CDH4: variants seen among roughly 807,000 people sequenced by gnomAD.
CDH4 encodes cadherin-4.
A neutral mutation model predicts 86.0 loss-of-function variants in CDH4; 33 were observed. The observed-to-expected ratio is 0.38, with a 90% CI of 0.29 to 0.51. CDH4 has a LOEUF of 0.51. CDH4 is among the 20% of genes least tolerant of loss of function. CDH4 has a pLI of 0.86. For synonymous variants in CDH4, 555 were observed against 549.4 expected, an observed-to-expected ratio of 1.01 and a Z score of -0.14; for missense variants, 1,114 against 1,307.4, an observed-to-expected ratio of 0.85 and a Z score of 2.28.
chr20:61,541,637 G>A lies in CDH4; in HGVS notation c.170-201926G>A, dbSNP rs368576264. On this transcript the variant is annotated intron_variant, in intron 2 of 15. Coordinates refer to ENST00000614565, the MANE Select transcript of CDH4 (RefSeq NM_001794.5). ...CTCCTGCCTTCTCCAGAAGCATCCC[G>A]GTGGAAGGCAGCATCTCTTCGCCAT... is the stretch of plus-strand genomic sequence containing the variant. Among the ~76,000 whole-genome samples, 5 of 152,192 alleles carry A rather than the reference G, an allele frequency of 3.3e-5. No homozygotes were observed. In the East Asian group the frequency reaches 5.8e-4, roughly 18 times the overall value.
chr20:61,927,094 A>G (rs1454218525), intron 11 of CDH4, among the ~76,000 whole-genome samples: 1 of 152,220 alleles, frequency 6.6e-6, no homozygotes, highest in Non-Finnish European at 1.5e-5. Flanking sequence ...GTCACCTTAA[A>G]TGTGTTTTGA....
At chr20:61,562,809 T>C (rs2086230731) in intron 2 of CDH4, among the ~76,000 whole-genome samples, 1 of 152,262 alleles carries the variant, frequency 6.6e-6, no homozygotes, top group Non-Finnish European at 1.5e-5. Context: ...AAATCGTGGT[T>C]CAGTGAGTTA....
chr20:61,635,420 G>A (rs1048668107), intron 2 of CDH4, among the ~76,000 whole-genome samples: 1 of 152,204 alleles, frequency 6.6e-6, no homozygotes, highest in Non-Finnish European at 1.5e-5. Context: ...GCTGCTGCGG[G>A]TGATGTGCCC....
At chr20:61,655,431 C>T (rs1245513855) in intron 2 of CDH4, among the ~76,000 whole-genome samples, 1 of 152,184 alleles carries the variant, frequency 6.6e-6, no homozygotes, top group Non-Finnish European at 1.5e-5. Flanking sequence ...CGGAGAGTGA[C>T]AAGGCAAGTA....
chr20:61,450,888 C>G (rs2085375496), intron 2 of CDH4, among the ~76,000 whole-genome samples: 1 of 151,544 alleles, frequency 6.6e-6, no homozygotes, highest in Non-Finnish European at 1.5e-5. Flanking sequence ...CAGTGGCCAC[C>G]CAGCAGTTTG....
intron 2 of CDH4, among the ~76,000 whole-genome samples, chr20:61,522,801 C>G (rs1051855146): frequency 1.3e-5 from 2 of 152,226 alleles, no homozygotes; most frequent in Admixed American, 1.3e-4. Context: ...ATTATCTGCT[C>G]CTCTCTCCCT....
intron 2 of CDH4, among the ~76,000 whole-genome samples, chr20:61,728,234 G>A (rs759380249): frequency 6.6e-5 from 10 of 152,292 alleles, no homozygotes; most frequent in Admixed American, 1.3e-4. Flanking sequence ...TAACATCTAA[G>A]CATAACCACC....
rs559166369 is a variant in CDH4, at chr20:61,795,409, G to A, written c.576+22227G>A. 5.9e-5 allele frequency among the ~76,000 whole-genome samples: 9 copies of A among 152,162 alleles called. No individual in the cohort carries two copies. The South Asian group carries it at 8.3e-4, about 14-fold the overall frequency. Reference sequence around the variant, plus strand: ...TTACTGTGAATGAGATGCAGCCTCTGCCTTTAAGGAGCCCCCAGGAAGGTG... The same window carrying A: ...TTACTGTGAATGAGATGCAGCCTCTACCTTTAAGGAGCCCCCAGGAAGGTG... On this transcript the variant is annotated intron_variant, in intron 4 of 15. Coordinates refer to ENST00000614565, the MANE Select transcript of CDH4 (RefSeq NM_001794.5).
intron 2 of CDH4, among the ~76,000 whole-genome samples, chr20:61,469,512 T>C (rs371309376): frequency 5.9e-5 from 9 of 152,206 alleles, no homozygotes; most frequent in African/African-American, 2.2e-4. Flanking sequence ...CTGTGGGTTG[T>C]CTGTTCACTT....
intron 2 of CDH4, among the ~76,000 whole-genome samples, chr20:61,451,616 T>C (rs2085381027): frequency 6.6e-6 from 1 of 151,998 alleles, no homozygotes; most frequent in East Asian, 1.9e-4. Flanking sequence ...CCTGAGAGTC[T>C]ATGTGGACAT....
At chr20:61,483,889 C>T (rs776039362) in intron 2 of CDH4, among the ~76,000 whole-genome samples, 1 of 152,138 alleles carries the variant, frequency 6.6e-6, no homozygotes, top group Non-Finnish European at 1.5e-5. Context: ...TAATGAAAAG[C>T]TTGTAGTGTA....
At chr20:61,574,470 T>C (rs2086367684) in intron 2 of CDH4, among the ~76,000 whole-genome samples, 1 of 152,180 alleles carries the variant, frequency 6.6e-6, no homozygotes, top group Non-Finnish European at 1.5e-5. Flanking sequence ...AGTTCACACG[T>C]ACAGATTCAA....
chr20:61,875,802 A>G (rs545091141), intron 7 of CDH4, among the ~76,000 whole-genome samples: 2 of 152,282 alleles, frequency 1.3e-5, no homozygotes, highest in East Asian at 3.9e-4. Context: ...CCATGGGCAC[A>G]TGGCCGAGTC....
At chr20:61,749,760 A>G (rs73310891) in intron 3 of CDH4, among the ~76,000 whole-genome samples, 1,672 of 152,328 alleles carry the variant, frequency 0.011, 35 homozygotes, top group African/African-American at 0.038. Flanking sequence ...ATATTACAAG[A>G]TAAAGAAGGC....
At chr20:61,882,393 C>G (rs756588338) in intron 7 of CDH4, among the ~76,000 whole-genome samples, 1 of 152,236 alleles carries the variant, frequency 6.6e-6, no homozygotes, top group Non-Finnish European at 1.5e-5. Flanking sequence ...CAGGTCCCAC[C>G]ACAGAGGTGC....
chr20:61,819,913 G>A (rs1462727006), intron 4 of CDH4, among the ~76,000 whole-genome samples: 3 of 152,184 alleles, frequency 2.0e-5, no homozygotes, highest in East Asian at 1.9e-4. Flanking sequence ...CACAGGGTGC[G>A]GGGCTGCTGA....
chr20:61,703,251 G>T lies in CDH4; in HGVS notation c.170-40312G>T, dbSNP rs953728357. On this transcript the variant is annotated intron_variant, in intron 2 of 15. Coordinates refer to ENST00000614565, the MANE Select transcript of CDH4 (RefSeq NM_001794.5). The surrounding 1 kb of genome is among the most constrained non-coding windows in gnomAD (Gnocchi z 4.3). ...CTATGTGCAGTGGATTTCCTGCTTT[G>T]TGGCAGAGGCTGCTCTGAGCACAGA... 6.6e-6 allele frequency among the ~76,000 whole-genome samples: 1 copy of T among 152,140 alleles called. No homozygotes were observed. Among genetic ancestry groups the T allele is most frequent in the African/African-American group, 2.4e-5 (1 of 41,420 alleles).
At chr20:61,874,552 G>A (rs1377607020) in intron 7 of CDH4, among the ~76,000 whole-genome samples, 1 of 152,186 alleles carries the variant, frequency 6.6e-6, no homozygotes, top group East Asian at 1.9e-4. Flanking sequence ...CTGGGCGGTG[G>A]GTGAGGTCGG....
chr20:61,555,869 C>G (rs2086173456), intron 2 of CDH4, among the ~76,000 whole-genome samples: 1 of 152,228 alleles, frequency 6.6e-6, no homozygotes, highest in Non-Finnish European at 1.5e-5. Flanking sequence ...GCAGGATTCA[C>G]ACGGTTTCTA....
Sources: allele counts gnomAD v4.1 joint callset (sites outside exome capture counted in the v4.1 genomes callset), GRCh38; gene constraint gnomAD v4.1.1; non-coding constraint Gnocchi (gnomAD v3.1); transcripts MANE v1.5; gene names NCBI Gene and HGNC (gene_info 2026-07-23, HGNC 2026-07-21).